The following CFAP20DC variants were observed in gnomAD, a reference collection of about 807,000 sequenced individuals.
CFAP20DC encodes the protein CFAP20 domain containing.
In CFAP20DC, 84 loss-of-function variants were observed where a neutral mutation model predicts 101.7. The ratio of observed to expected loss-of-function variants is 0.83; its 90% CI spans 0.69 to 0.99. The LOEUF (loss-of-function observed/expected upper bound fraction) is 0.99, where lower values mean the gene tolerates loss of function less well. Among genes scored for constraint, CFAP20DC ranks in the 50% least tolerant of loss-of-function variants. The probability of loss-of-function intolerance (pLI) is 0.00; values close to 1 mark genes in which losing one functional copy is unlikely to be tolerated. For synonymous variants in CFAP20DC, 359 were observed against 351.2 expected, an observed-to-expected ratio of 1.02 and a Z score of -0.25; for missense variants, 1,007 against 970.3, an observed-to-expected ratio of 1.04 and a Z score of -0.50.
intron 16 of CFAP20DC, among the ~76,000 whole-genome samples, chr3:58,747,539 G>A (rs1045447862): frequency 3.9e-5 from 6 of 152,046 alleles, no homozygotes; most frequent in South Asian, 2.1e-4. Flanking sequence ...CTGGATTTTC[G>A]ATTTTCTGAC....
chr3:58,953,234 C>G (rs2090314991), intron 4 of CFAP20DC, among the ~76,000 whole-genome samples: 1 of 152,170 alleles, frequency 6.6e-6, no homozygotes, highest in South Asian at 2.1e-4. Context: ...AAGAAAGATT[C>G]ACTCCTCTGC....
intron 4 of CFAP20DC, 69 bp from the exon 5 acceptor site, chr3:58,937,831 T>G: frequency 1.2e-6 from 1 of 844,788 alleles, no homozygotes; most frequent in Non-Finnish European, 1.9e-6. Flanking sequence ...TGGATAATCA[T>G]CAAAATGATA....
At chr3:59,049,159 T>C (rs535061764) in intron 1 of CFAP20DC, among the ~76,000 whole-genome samples, 7 of 152,330 alleles carry the variant, frequency 4.6e-5, no homozygotes, top group African/African-American at 1.2e-4. Flanking sequence ...AAACAGCACA[T>C]AGCCAAAGTG....
Position 59,049,924 on chromosome 3 carries a change from G to T in CFAP20DC, c.-293C>A, listed in dbSNP as rs1172638239. 2.5e-6 allele frequency: 1 copy of T among 407,634 alleles called. No individual in the cohort carries two copies. The highest frequency in any genetic ancestry group is 4.4e-6 in the Non-Finnish European group (1 of 229,280). The allele number at this position is 407,634 out of a possible 1,614,324, so 25.3% of individuals were successfully genotyped here. ...GGCCGTCCCTGGGGAGTGATTGTGT[G>T]TGTAACCTACGTGACGGGGCGCCCA... On this transcript the variant is annotated 5_prime_UTR_variant, in exon 1 of 17. Transcript: ENST00000482387.
intron 3 of CFAP20DC, among the ~76,000 whole-genome samples, chr3:58,733,073 T>C (rs1056367918): frequency 6.6e-6 from 1 of 152,258 alleles, no homozygotes; most frequent in Non-Finnish European, 1.5e-5. Context: ...GGCTCACGCC[T>C]GTAATTCCAA....
At position 58,755,322 on chromosome 3, in the gene CFAP20DC, G is replaced by A. The variant is rs1431474376; in HGVS notation, c.2238-1459C>T. ...TTGTCACAGACTTCCAAGCTAATGG[G>A]GCATTTCTGATAAGCACTGTTTATT... On this transcript the variant is annotated intron_variant, in intron 15 of 16. Transcript: ENST00000482387. 2.0e-5 allele frequency among the ~76,000 whole-genome samples: 3 copies of A among 147,554 alleles called. No individual in the cohort carries two copies. The East Asian group carries it at 6.8e-4, about 33-fold the overall frequency.
rs557450270 is a variant in CFAP20DC, at chr3:59,000,264, C to A, written c.278+39293G>T. Among the ~76,000 whole-genome samples the A allele has an allele frequency of 3.5e-4, 53 of 152,230 alleles. 3 individuals are homozygous for A. In the South Asian group the frequency reaches 0.011, roughly 32 times the overall value. On this transcript the variant is annotated intron_variant, in intron 4 of 16. Coordinates refer to ENST00000482387, the MANE Select transcript of CFAP20DC (RefSeq NM_001394063.1). ...GCTCTCTCTGTTATTTAGGTTGATA[C>A]TACAATACCCTCCATCTGCATGAGA...
At chr3:58,918,568 C>G (rs1044653449) in intron 5 of CFAP20DC, among the ~76,000 whole-genome samples, 1 of 152,132 alleles carries the variant, frequency 6.6e-6, no homozygotes, top group African/African-American at 2.4e-5. Flanking sequence ...CTTCATTATT[C>G]TGAAGTCATT....
At chr3:58,850,495 G>A in intron 12 of CFAP20DC, among the ~76,000 whole-genome samples, 1 of 151,794 alleles carries the variant, frequency 6.6e-6, no homozygotes, top group Non-Finnish European at 1.5e-5. Context: ...GACTGAGGCA[G>A]GAGAATTGCT....
intron 14 of CFAP20DC, among the ~76,000 whole-genome samples, chr3:58,807,326 C>G (rs1575695405): frequency 6.6e-6 from 1 of 152,184 alleles, no homozygotes; most frequent in Non-Finnish European, 1.5e-5. Flanking sequence ...CCAGTAGGGG[C>G]AGACTGACAC....
intron 4 of CFAP20DC, among the ~76,000 whole-genome samples, chr3:59,029,402 T>C (rs2109070092): frequency 6.6e-6 from 1 of 151,362 alleles, no homozygotes; most frequent in Admixed American, 6.6e-5. Flanking sequence ...TGGCGGAAAA[T>C]CATAAAAGGG....
At chr3:59,016,346 G>A (rs1190921564) in intron 4 of CFAP20DC, among the ~76,000 whole-genome samples, 5 of 152,074 alleles carry the variant, frequency 3.3e-5, no homozygotes, top group African/African-American at 9.7e-5. Flanking sequence ...AAAAATCTGA[G>A]CTCATGGAAA....
intron 4 of CFAP20DC, among the ~76,000 whole-genome samples, chr3:58,995,013 C>A (rs894030264): frequency 6.6e-6 from 1 of 152,108 alleles, no homozygotes; most frequent in African/African-American, 2.4e-5. Flanking sequence ...CTAGGATATC[C>A]ATTTTCTTTT....
At chr3:59,013,141 C>T (rs1006764793) in intron 4 of CFAP20DC, among the ~76,000 whole-genome samples, 1 of 152,154 alleles carries the variant, frequency 6.6e-6, no homozygotes, top group Admixed American at 6.6e-5. Flanking sequence ...CATAGAATTC[C>T]ACTTGCATTT....
chr3:58,965,851 C>A (rs941819666), intron 4 of CFAP20DC, among the ~76,000 whole-genome samples: 1 of 152,114 alleles, frequency 6.6e-6, no homozygotes, highest in Non-Finnish European at 1.5e-5. Flanking sequence ...AAAAGAGTTA[C>A]GTGGCATAGA....
intron 15 of CFAP20DC, among the ~76,000 whole-genome samples, chr3:58,805,535 C>A: frequency 6.6e-6 from 1 of 152,200 alleles, no homozygotes; most frequent in East Asian, 1.9e-4. Flanking sequence ...AATTCAGACA[C>A]CATGCAATAG....
chr3:59,036,030 A>C (rs2094096295), intron 4 of CFAP20DC, among the ~76,000 whole-genome samples: 1 of 152,214 alleles, frequency 6.6e-6, no homozygotes, highest in Non-Finnish European at 1.5e-5. Context: ...CCATCACATA[A>C]ACAGAACCAA....
At chr3:58,998,995 CCT>C (rs2093225354) in intron 4 of CFAP20DC, among the ~76,000 whole-genome samples, 1 of 152,204 alleles carries the variant, frequency 6.6e-6, no homozygotes, top group African/African-American at 2.4e-5. Flanking sequence ...TGCACATTAA[CCT>C]CTGTTACCAT....
chr3:58,718,528 A>C (rs549327476), intron 3 of CFAP20DC, among the ~76,000 whole-genome samples: 119 of 152,304 alleles, frequency 7.8e-4, no homozygotes, highest in Non-Finnish European at 1.4e-3. Flanking sequence ...GATCCACCTG[A>C]GAGCCAATTC....
Sources: gnomAD v4.1 joint callset for allele counts (sites outside exome capture counted in the v4.1 genomes callset) on GRCh38, gnomAD v4.1.1 for gene constraint, MANE v1.5 for transcripts, NCBI Gene and HGNC (gene_info 2026-07-23, HGNC 2026-07-21) for gene names.